Variants in PCDHGA10 observed in about 807,000 individuals in gnomAD.
PCDHGA10 encodes the protein protocadherin gamma-A10.
A neutral mutation model predicts 59.5 loss-of-function variants in PCDHGA10; 42 were observed. The observed-to-expected ratio is 0.71, with a 90% CI of 0.55 to 0.91. The LOEUF (loss-of-function observed/expected upper bound fraction) is 0.91, where lower values mean the gene tolerates loss of function less well. Among genes scored for constraint, PCDHGA10 ranks in the 40% least tolerant of loss-of-function variants. The probability of loss-of-function intolerance (pLI) is 0.00; values close to 1 mark genes in which losing one functional copy is unlikely to be tolerated. For missense variants in PCDHGA10, 1,111 were observed against 1,198.2 expected (o/e 0.93, Z 1.07); for synonymous variants, 511 against 517.2 (o/e 0.99, Z 0.16).
intron 1 of PCDHGA10, among the ~76,000 whole-genome samples, chr5:141,435,539 C>T (rs75717921): frequency 1.3e-5 from 2 of 152,226 alleles, no homozygotes; most frequent in South Asian, 4.1e-4. Flanking sequence ...TCAGAATTAA[C>T]AAAATGTGTT....
chr5:141,414,109 G>A lies in PCDHGA10; in HGVS notation c.934G>A (p.Asp312Asn). ...TGEIKISENL[D>N]YEETGFYEIE... The stretch of plus-strand genomic sequence containing the variant: ...AGAAATAAAAATATCAGAAAATCTA[G>A]ATTATGAAGAAACCGGTTTCTATGA... The change falls in exon 1 of 4, where the codon GAT becomes AAT. Residue 312 changes from aspartate to asparagine, a missense_variant. Transcript: ENST00000398610. 6.3e-7 allele frequency: 1 copy of A among 1,592,288 alleles called. No individual in the cohort carries two copies. The highest frequency in any genetic ancestry group is 8.6e-7 in the Non-Finnish European group (1 of 1,169,124).
At chr5:141,454,316 A>G (rs887472165) in intron 1 of PCDHGA10, among the ~76,000 whole-genome samples, 4 of 152,188 alleles carry the variant, frequency 2.6e-5, no homozygotes, top group Non-Finnish European at 4.4e-5. Context: ...AAGCATTGAA[A>G]CCTCCAAGAA....
intron 1 of PCDHGA10, among the ~76,000 whole-genome samples, chr5:141,451,724 A>G (rs2098722682): frequency 6.6e-6 from 1 of 152,170 alleles, no homozygotes; most frequent in Non-Finnish European, 1.5e-5. Context: ...TCTACTAAAA[A>G]TACAAAAATT....
chr5:141,431,976 C>T lies in PCDHGA10; in HGVS notation c.2436+16365C>T, dbSNP rs2097433306. ...TACGGAAATTACTATAGTTTAGTCACAGACATAGTCTTGGATAGGGAACAG... is the reference window on the plus strand; with the variant it reads ...TACGGAAATTACTATAGTTTAGTCATAGACATAGTCTTGGATAGGGAACAG... On this transcript the variant is annotated intron_variant, in intron 1 of 3. Transcript: ENST00000398610. This position sits in a 1 kb window ranked among gnomAD's most constrained non-coding sequence, Gnocchi z 4.8. 6.2e-7 allele frequency: 1 copy of T among 1,614,078 alleles called. No individual in the cohort carries two copies. The highest frequency in any genetic ancestry group is 1.3e-5 in the African/African-American group (1 of 74,934).
intron 1 of PCDHGA10, chr5:141,478,485 G>C (rs2099459345): frequency 1.2e-6 from 2 of 1,613,204 alleles, no homozygotes; most frequent in East Asian, 4.5e-5. Flanking sequence ...AACACGCTGC[G>C]GAGCTGTGAT....
At chr5:141,494,195 C>T in intron 1 of PCDHGA10, among the ~76,000 whole-genome samples, 1 of 152,188 alleles carries the variant, frequency 6.6e-6, no homozygotes, top group Non-Finnish European at 1.5e-5. Flanking sequence ...GACTTGGATG[C>T]CCCGCAAAGG....
intron 1 of PCDHGA10, among the ~76,000 whole-genome samples, chr5:141,483,207 A>C (rs1225621725): frequency 6.6e-6 from 1 of 152,224 alleles, no homozygotes; most frequent in African/African-American, 2.4e-5. Flanking sequence ...TATTCCATAT[A>C]GATGACAGTC....
chr5:141,508,723 G>A (rs941469412), intron 3 of PCDHGA10, among the ~76,000 whole-genome samples: 2 of 151,814 alleles, frequency 1.3e-5, no homozygotes, highest in African/African-American at 4.8e-5. Context: ...TGTGTGCAGG[G>A]AGACTACACC....
chr5:141,475,885 A>T, intron 1 of PCDHGA10: 1 of 556,524 alleles, frequency 1.8e-6, no homozygotes, highest in Non-Finnish European at 3.2e-6. Flanking sequence ...ATTGGCTGGG[A>T]CTCTGTGTGC....
intron 1 of PCDHGA10, chr5:141,419,601 C>T (rs753678898): frequency 6.2e-7 from 1 of 1,611,818 alleles, no homozygotes; most frequent in South Asian, 1.1e-5. Context: ...GTGCCGCGGG[C>T]CGCGCAGCCA....
At chr5:141,460,465 AAAGG>A (rs2098989932) in intron 1 of PCDHGA10, among the ~76,000 whole-genome samples, 1 of 152,088 alleles carries the variant, frequency 6.6e-6, no homozygotes, top group Non-Finnish European at 1.5e-5. Context: ...ATTTTTTTCC[AAAGG>A]AATATCCAAT....
chr5:141,428,488 CTGT>C (rs2097142454), intron 1 of PCDHGA10: 1 of 312,362 alleles, frequency 3.2e-6, no homozygotes. Flanking sequence ...TTCCTGCAAT[CTGT>C]ATGTTCCCTC....
At position 141,489,084 on chromosome 5, in the gene PCDHGA10, C is replaced by CCGG; in HGVS notation, c.2437-5723_2437-5722insCGG. ...CTCCCCCCTGCCCACCCCCGCCACT[C>CCGG]GGTGACTAAGAACTGCTGCAAGCAG... On this transcript the variant is annotated intron_variant, in intron 1 of 3. Coordinates refer to ENST00000398610, the MANE Select transcript of PCDHGA10 (RefSeq NM_018913.3). This position sits in a 1 kb window ranked among gnomAD's most constrained non-coding sequence, Gnocchi z 4.5. The CCGG allele has an allele frequency of 3.0e-6, 1 of 329,134 alleles. No homozygotes were observed. The highest frequency in any genetic ancestry group is 2.5e-5 in the African/African-American group (1 of 40,384). 20.4% of individuals were successfully genotyped at this position (329,134 alleles called of 1,614,324 possible). A position where few individuals can be genotyped will look rare whatever the true frequency, so the allele number is the denominator to read the frequency against.
chr5:141,500,384 T>C (rs956708207), intron 2 of PCDHGA10, among the ~76,000 whole-genome samples: 1 of 151,894 alleles, frequency 6.6e-6, no homozygotes, highest in African/African-American at 2.4e-5. Context: ...AATTATTTTG[T>C]ATTTTTAGTA....
Position 141,485,263 on chromosome 5 carries a change from G to A in PCDHGA10, c.2437-9544G>A. 1 of 1,614,162 alleles carries A rather than the reference G, an allele frequency of 6.2e-7. No individual in the cohort carries two copies. On this transcript the variant is annotated intron_variant, in intron 1 of 3. Transcript: ENST00000398610. This position sits in a 1 kb window ranked among gnomAD's most constrained non-coding sequence, Gnocchi z 5.7. ...ACCACCTGGGTTACGTTTGTGGGCA[G>A]ATCCGCTACCCGGTCCCAGAGGAGT...
At chr5:141,472,010 C>T (rs1305786275) in intron 1 of PCDHGA10, among the ~76,000 whole-genome samples, 1 of 151,978 alleles carries the variant, frequency 6.6e-6, no homozygotes, top group Non-Finnish European at 1.5e-5. Flanking sequence ...CGTATAGGGG[C>T]ACTATATTGT....
At chr5:141,421,926 C>A in intron 1 of PCDHGA10, 1 of 1,613,460 alleles carries the variant, frequency 6.2e-7, no homozygotes, top group Non-Finnish European at 8.5e-7. Flanking sequence ...GTGTGGTGGT[C>A]CTCGATGTAA....
chr5:141,428,406 C>T (rs908202809), intron 1 of PCDHGA10: 1 of 473,274 alleles, frequency 2.1e-6, no homozygotes, highest in Non-Finnish European at 3.9e-6. Context: ...CCTGGGGTTG[C>T]TTTCACCCTG....
chr5:141,432,874 G>A lies in PCDHGA10; in HGVS notation c.2436+17263G>A, dbSNP rs2097545539. 2 of 1,614,176 alleles carry A rather than the reference G, an allele frequency of 1.2e-6. No homozygotes were observed. The highest frequency in any genetic ancestry group is 1.7e-6 in the Non-Finnish European group (2 of 1,180,014). Reference sequence around the variant, plus strand: ...TGGCCGCGGTCTCCTGCGTCTTCCTGGCCTTCGTCATCTTGCTGCTGGCGC... The same window carrying A: ...TGGCCGCGGTCTCCTGCGTCTTCCTAGCCTTCGTCATCTTGCTGCTGGCGC... On this transcript the variant is annotated intron_variant, in intron 1 of 3. Transcript: ENST00000398610. This position sits in a 1 kb window ranked among gnomAD's most constrained non-coding sequence, Gnocchi z 6.0.
Sources: allele counts gnomAD v4.1 joint callset (sites outside exome capture counted in the v4.1 genomes callset), GRCh38; gene constraint gnomAD v4.1.1; non-coding constraint Gnocchi (gnomAD v3.1); transcripts MANE v1.5; gene names NCBI Gene and HGNC (gene_info 2026-07-23, HGNC 2026-07-21).